STXBP5L: variants seen among roughly 807,000 people sequenced by gnomAD.
STXBP5L encodes the protein syntaxin-binding protein 5-like.
Under a neutral mutation model 144.5 loss-of-function variants are expected in STXBP5L, and 65 were observed. That is an observed-to-expected ratio of 0.45 (90% CI 0.37 to 0.55). STXBP5L has a LOEUF of 0.55. STXBP5L is among the 20% of genes least tolerant of loss of function. The pLI, the probability that STXBP5L is intolerant of heterozygous loss-of-function variation, is 0.00. For missense variants in STXBP5L, 1,298 were observed against 1,405.5 expected (o/e 0.92, Z 1.22); for synonymous variants, 505 against 469.6 (o/e 1.08, Z -0.97).
intron 5 of STXBP5L, among the ~76,000 whole-genome samples, chr3:121,060,511 C>T (rs2041216548): frequency 6.6e-6 from 1 of 152,170 alleles, no homozygotes. Context: ...AGGAGTCCCT[C>T]TTTTTCTATT....
intron 23 of STXBP5L, among the ~76,000 whole-genome samples, chr3:121,408,039 G>A (rs528632258): frequency 3.3e-5 from 5 of 152,014 alleles, no homozygotes; most frequent in African/African-American, 1.2e-4. Flanking sequence ...TTGATCCTTA[G>A]AACTTCTCTA....
chr3:121,373,560 C>T (rs987138607), intron 20 of STXBP5L, among the ~76,000 whole-genome samples: 1 of 152,176 alleles, frequency 6.6e-6, no homozygotes, highest in Non-Finnish European at 1.5e-5. Context: ...TGTTGCTATG[C>T]CAGCTGACCC....
At chr3:121,087,245 CT>C (rs2042543381) in intron 5 of STXBP5L, among the ~76,000 whole-genome samples, 1 of 152,030 alleles carries the variant, frequency 6.6e-6, no homozygotes, top group Admixed American at 6.6e-5. Context: ...CTGATTTTCT[CT>C]TTAGTTGTTC....
intron 5 of STXBP5L, among the ~76,000 whole-genome samples, chr3:121,054,729 T>TA (rs1258715917): frequency 6.6e-5 from 10 of 152,240 alleles, no homozygotes; most frequent in Non-Finnish European, 1.2e-4. Flanking sequence ...CCGTAAAACT[T>TA]AAAGTATAAT....
chr3:121,332,633 C>G (rs1251805876), intron 20 of STXBP5L, among the ~76,000 whole-genome samples: 3 of 151,764 alleles, frequency 2.0e-5, no homozygotes, highest in Non-Finnish European at 2.9e-5. Context: ...ATCCCATGAC[C>G]AAACTTAAAA....
At position 121,257,228 on chromosome 3, in the gene STXBP5L, C is replaced by T. The variant is rs747217368; in HGVS notation, c.1727C>T (p.Pro576Leu). The T allele has an allele frequency of 3.7e-6, 6 of 1,613,568 alleles. No individual in the cohort carries two copies. In the African/African-American group the frequency reaches 4.0e-5, roughly 11 times the overall value. The change falls in exon 17 of 27, where the codon CCG (proline) becomes CTG (leucine). Residue 576 changes from proline to leucine, a missense_variant. By Grantham distance (98) the Pro-to-Leu change is moderately conservative. Coordinates refer to ENST00000471454, the MANE Select transcript of STXBP5L (RefSeq NM_001308330.2). ...IITPEPETSP[P>L]FPDLSAQLPS... Reference sequence around the variant, plus strand: ...ACCCCTGAACCAGAAACAAGTCCTCCGTTTCCAGATCTCTCAGCCCAGCTT... The same window carrying T: ...ACCCCTGAACCAGAAACAAGTCCTCTGTTTCCAGATCTCTCAGCCCAGCTT...
At chr3:121,213,428 A>C (rs1022425806) in intron 10 of STXBP5L, among the ~76,000 whole-genome samples, 4 of 152,154 alleles carry the variant, frequency 2.6e-5, no homozygotes, top group Admixed American at 2.0e-4. Flanking sequence ...GGGGTGTTGA[A>C]TTTTATCAAA....
chr3:121,085,256 G>C (rs188458682), intron 5 of STXBP5L, among the ~76,000 whole-genome samples: 9 of 152,168 alleles, frequency 5.9e-5, no homozygotes, highest in African/African-American at 2.2e-4. Flanking sequence ...TTTTGTTGCA[G>C]TTGCAGTTGA....
At chr3:121,094,246 C>G (rs1167913589) in intron 5 of STXBP5L, among the ~76,000 whole-genome samples, 1 of 152,112 alleles carries the variant, frequency 6.6e-6, no homozygotes, top group Non-Finnish European at 1.5e-5. Flanking sequence ...AATGTATATT[C>G]TGTTGATTTG....
At chr3:121,335,895 C>T (rs1459991285) in intron 20 of STXBP5L, among the ~76,000 whole-genome samples, 4 of 152,056 alleles carry the variant, frequency 2.6e-5, no homozygotes, top group Admixed American at 2.6e-4. Flanking sequence ...AAAGCAATCA[C>T]AACAAAGGCA....
intron 9 of STXBP5L, among the ~76,000 whole-genome samples, chr3:121,204,387 TTTA>T (rs749649658): frequency 2.0e-5 from 3 of 152,188 alleles, no homozygotes. Flanking sequence ...TGGTCAATTT[TTTA>T]TTATTTTTTT....
At chr3:121,118,527 AC>A (rs1372692654) in intron 6 of STXBP5L, among the ~76,000 whole-genome samples, 1 of 151,670 alleles carries the variant, frequency 6.6e-6, no homozygotes, top group African/African-American at 2.4e-5. Context: ...AGGTTTTATA[AC>A]ATGAAAGGTC....
intron 9 of STXBP5L, among the ~76,000 whole-genome samples, chr3:121,180,815 G>A (rs771679688): frequency 2.3e-4 from 35 of 152,330 alleles, no homozygotes; most frequent in Non-Finnish European, 4.3e-4. Flanking sequence ...TGCGGTTGCA[G>A]TGAGCCAAAA....
At chr3:121,124,720 A>G (rs564876244) in intron 7 of STXBP5L, among the ~76,000 whole-genome samples, 2 of 152,074 alleles carry the variant, frequency 1.3e-5, no homozygotes, top group African/African-American at 2.4e-5. Flanking sequence ...GAAAATATAG[A>G]CAAATTTTCT....
rs1440716609 is a variant in STXBP5L, at chr3:121,157,612, A to T, written c.862A>T (p.Thr288Ser). 1.2e-6 allele frequency: 2 copies of T among 1,600,774 alleles called. No individual in the cohort carries two copies. The highest frequency in any genetic ancestry group is 8.5e-7 in the Non-Finnish European group (1 of 1,174,838). The part of the protein sequence containing the change: ...NLKSPSRPFQ[T>S]TIPHGKSQRE... ...GAAAAGCCCAAGTCGCCCTTTCCAG[A>T]CCACAATTCCACATGGTAAGATGTA... Residue 288 changes from threonine (T) to serine (S), a missense_variant, in exon 9 of 27, where the codon ACC becomes TCC. Thr to Ser is a moderately conservative substitution (Grantham distance 58). Coordinates refer to ENST00000471454, the MANE Select transcript of STXBP5L (RefSeq NM_001308330.2).
At chr3:121,093,717 A>G (rs2042953905) in intron 5 of STXBP5L, among the ~76,000 whole-genome samples, 1 of 152,154 alleles carries the variant, frequency 6.6e-6, no homozygotes, top group African/African-American at 2.4e-5. Context: ...TCCTTTCAAA[A>G]AACCAGCTCC....
At chr3:121,038,074 A>G (rs1946882912) in intron 3 of STXBP5L, among the ~76,000 whole-genome samples, 1 of 151,864 alleles carries the variant, frequency 6.6e-6, no homozygotes, top group African/African-American at 2.4e-5. Flanking sequence ...TATTAATTTC[A>G]TTGAATTTTT....
chr3:121,405,235 G>C (rs2046969648), intron 22 of STXBP5L, among the ~76,000 whole-genome samples: 1 of 152,052 alleles, frequency 6.6e-6, no homozygotes, highest in Admixed American at 6.6e-5. Context: ...GTTGGCAGGG[G>C]ATGCAAACAT....
intron 3 of STXBP5L, among the ~76,000 whole-genome samples, chr3:120,997,104 A>G (rs1339977178): frequency 6.6e-6 from 1 of 151,242 alleles, no homozygotes; most frequent in Non-Finnish European, 1.5e-5. Context: ...AGCTCCATCC[A>G]TGTTACTGCA....
Sources: gnomAD v4.1 joint callset for allele counts (sites outside exome capture counted in the v4.1 genomes callset) on GRCh38, gnomAD v4.1.1 for gene constraint, MANE v1.5 for transcripts, NCBI Gene and HGNC (gene_info 2026-07-23, HGNC 2026-07-21) for gene names.